ALCAM: variants seen among roughly 807,000 people sequenced by gnomAD.
ALCAM encodes the protein CD166 antigen.
Under a neutral mutation model 70.9 loss-of-function variants are expected in ALCAM, and 30 were observed. The observed-to-expected ratio is 0.42, with a 90% CI of 0.32 to 0.57. ALCAM has a LOEUF of 0.57. ALCAM is among the 20% of genes least tolerant of loss of function. The pLI is 0.11. For missense variants in ALCAM, 591 were observed against 695.1 expected, an observed-to-expected ratio of 0.85 and a Z score of 1.68; for synonymous variants, 249 against 242.5, an observed-to-expected ratio of 1.03 and a Z score of -0.25.
At chr3:105,545,784 C>T (rs1940231895) in intron 9 of ALCAM, among the ~76,000 whole-genome samples, 1 of 151,430 alleles carries the variant, frequency 6.6e-6, no homozygotes, top group African/African-American at 2.4e-5. Flanking sequence ...TCATAACTGA[C>T]AGAGTAGAGA....
intron 1 of ALCAM, among the ~76,000 whole-genome samples, chr3:105,438,782 A>C (rs1937108377): frequency 6.6e-6 from 1 of 152,142 alleles, no homozygotes; most frequent in African/African-American, 2.4e-5. Flanking sequence ...TGGGAAGCTG[A>C]GGATCTCTTG....
At chr3:105,519,921 C>A in intron 1 of ALCAM, 146 bp from the exon 2 acceptor site, 3 of 492,356 alleles carry the variant, frequency 6.1e-6, no homozygotes, top group African/African-American at 2.0e-5. Context: ...AGTCTCATAC[C>A]TTTTGTATAC....
intron 3 of ALCAM, among the ~76,000 whole-genome samples, chr3:105,530,823 A>G (rs1248684571): frequency 6.6e-6 from 1 of 152,072 alleles, no homozygotes; most frequent in African/African-American, 2.4e-5. Flanking sequence ...TGTTTCTCAT[A>G]TAATCTAAAG....
intron 1 of ALCAM, among the ~76,000 whole-genome samples, chr3:105,393,409 A>C (rs780704900): frequency 6.6e-6 from 1 of 151,904 alleles, no homozygotes; most frequent in Non-Finnish European, 1.5e-5. Context: ...AGAAGAAAAC[A>C]TACCATAAGA....
chr3:105,397,049 C>T (rs1197922433), intron 1 of ALCAM, among the ~76,000 whole-genome samples: 1 of 151,978 alleles, frequency 6.6e-6, no homozygotes, highest in Non-Finnish European at 1.5e-5. Context: ...AAATGTATTA[C>T]TTTGCCTATT....
intron 1 of ALCAM, among the ~76,000 whole-genome samples, chr3:105,442,157 G>A (rs758794059): frequency 6.6e-6 from 1 of 152,158 alleles, no homozygotes; most frequent in Admixed American, 6.5e-5. Context: ...ATATTATTAA[G>A]TGGAGATTAT....
At chr3:105,455,719 C>T (rs951577019) in intron 1 of ALCAM, among the ~76,000 whole-genome samples, 19 of 152,320 alleles carry the variant, frequency 1.2e-4, no homozygotes, top group African/African-American at 4.6e-4. Flanking sequence ...GAGCGACCAC[C>T]GCCTTTCCAG....
chr3:105,564,316 GTTAT>G, intron 14 of ALCAM, among the ~76,000 whole-genome samples: 1 of 150,600 alleles, frequency 6.6e-6, no homozygotes, highest in South Asian at 2.1e-4. Flanking sequence ...TGCCATTGTT[GTTAT>G]TTATCTTCTA....
chr3:105,491,500 TTTAAAC>T (rs1297523486), intron 1 of ALCAM, among the ~76,000 whole-genome samples: 11 of 152,352 alleles, frequency 7.2e-5, no homozygotes, highest in African/African-American at 2.4e-4. Context: ...TTGCTTCTGT[TTTAAAC>T]ATAAGTTCCA....
chr3:105,560,016 A>G (rs1237154928), intron 14 of ALCAM, among the ~76,000 whole-genome samples: 1 of 152,204 alleles, frequency 6.6e-6, no homozygotes, highest in Non-Finnish European at 1.5e-5. Context: ...TATGGCTAAA[A>G]TAAACATTTT....
intron 6 of ALCAM, among the ~76,000 whole-genome samples, chr3:105,536,333 A>T (rs1024849181): frequency 1.3e-5 from 2 of 152,118 alleles, no homozygotes; most frequent in African/African-American, 4.8e-5. Flanking sequence ...ACCTCAGGTG[A>T]TCTGCCCACC....
At chr3:105,436,790 G>T (rs749970475) in intron 1 of ALCAM, among the ~76,000 whole-genome samples, 12 of 152,172 alleles carry the variant, frequency 7.9e-5, no homozygotes, top group Non-Finnish European at 1.8e-4. Flanking sequence ...TTGGAGTGGG[G>T]AATGAAGTCA....
chr3:105,486,447 C>T (rs933868150), intron 1 of ALCAM, among the ~76,000 whole-genome samples: 22 of 152,064 alleles, frequency 1.4e-4, no homozygotes, highest in African/African-American at 4.3e-4. Flanking sequence ...GGGCATTCAA[C>T]GAACTTAAAT....
At position 105,576,008 on chromosome 3, in the gene ALCAM, AAC is replaced by A. The variant is rs1940955552; in HGVS notation, c.*1558_*1559del. The A allele has an allele frequency of 6.6e-6, 1 of 152,188 alleles. No homozygotes were observed. The highest frequency in any genetic ancestry group is 2.4e-5 in the African/African-American group (1 of 41,442). The allele number at this position is 152,188 out of a possible 1,614,324, so 9.4% of individuals were successfully genotyped here. On this transcript the variant is annotated 3_prime_UTR_variant, in exon 16 of 16. Coordinates refer to ENST00000306107, the MANE Select transcript of ALCAM (RefSeq NM_001627.4). ...AAACATACGTTATTGTACATTTGTA[AAC>A]CATTTACTGTCTGGGCAATAGTGAC...
intron 1 of ALCAM, among the ~76,000 whole-genome samples, chr3:105,461,635 C>A (rs1937606545): frequency 6.6e-6 from 1 of 151,638 alleles, no homozygotes. Context: ...TGGCAATAAA[C>A]AAGGGAGAAA....
At chr3:105,372,629 A>C (rs939867623) in intron 1 of ALCAM, among the ~76,000 whole-genome samples, 4 of 152,128 alleles carry the variant, frequency 2.6e-5, no homozygotes, top group Admixed American at 6.5e-5. Flanking sequence ...GAGTTGAGGT[A>C]CTTCAATGAA....
At chr3:105,442,981 G>A (rs1576166054) in intron 1 of ALCAM, among the ~76,000 whole-genome samples, 1 of 151,978 alleles carries the variant, frequency 6.6e-6, no homozygotes, top group African/African-American at 2.4e-5. Context: ...AGGTCACCAT[G>A]CCTGGCTAAT....
chr3:105,423,361 C>G (rs745389346), intron 1 of ALCAM, among the ~76,000 whole-genome samples: 9 of 151,044 alleles, frequency 6.0e-5, no homozygotes, highest in Non-Finnish European at 1.3e-4. Flanking sequence ...TCTTTTGGCG[C>G]AGAACAAACA....
intron 1 of ALCAM, among the ~76,000 whole-genome samples, chr3:105,369,160 C>T (rs1268403437): frequency 6.6e-6 from 1 of 152,192 alleles, no homozygotes; most frequent in African/African-American, 2.4e-5. Flanking sequence ...TTAACCCCCT[C>T]GAGACTTGGA....
Sources: gnomAD v4.1 joint callset for allele counts (sites outside exome capture counted in the v4.1 genomes callset) on GRCh38, gnomAD v4.1.1 for gene constraint, MANE v1.5 for transcripts, NCBI Gene and HGNC (gene_info 2026-07-23, HGNC 2026-07-21) for gene names.